The following RASD2 variants were observed in gnomAD, a reference collection of about 807,000 sequenced individuals.
The protein encoded by RASD2 is GTP-binding protein Rhes.
RASD2 carries 7 observed loss-of-function variants against 15.8 expected under a neutral mutation model. That is an observed-to-expected ratio of 0.44 (90% CI 0.25 to 0.83). The LOEUF (loss-of-function observed/expected upper bound fraction) is 0.83, where lower values mean the gene tolerates loss of function less well. RASD2 is among the 40% of genes least tolerant of loss of function. The pLI is 0.20. For synonymous variants in RASD2, 155 were observed against 153.6 expected (o/e 1.01, Z -0.07); for missense variants, 274 against 382.8 (o/e 0.72, Z 2.37).
the RASD2 span, among the ~76,000 whole-genome samples, chr22:35,533,598 G>A: frequency 6.6e-6 from 1 of 151,578 alleles, no homozygotes; most frequent in East Asian, 1.9e-4. Context: ...GATGATAATG[G>A]TGATAATGAT....
At chr22:35,541,926 G>A (rs1406873194) in intron 1 of RASD2, among the ~76,000 whole-genome samples, 1 of 152,170 alleles carries the variant, frequency 6.6e-6, no homozygotes, top group East Asian at 1.9e-4. Flanking sequence ...CCTGGAGGTG[G>A]GGAAGGAAGA....
chr22:35,548,843 C>T (rs1387363666), intron 2 of RASD2, among the ~76,000 whole-genome samples: 1 of 152,044 alleles, frequency 6.6e-6, no homozygotes, highest in Non-Finnish European at 1.5e-5. Context: ...CCTCCCCAGC[C>T]ACACAGTGGG....
rs1934656821 is a variant in RASD2, at chr22:35,551,264, T to C, written c.272-239T>C. On this transcript the variant is annotated intron_variant, in intron 2 of 2. Transcript: ENST00000216127. This position sits in a 1 kb window ranked among gnomAD's most constrained non-coding sequence, Gnocchi z 4.9. ...AACCAAGTGGTCCACGTGTTAGCTA[T>C]GCGACTGTGAACAGGGGCTTCAACC... 6.6e-6 allele frequency among the ~76,000 whole-genome samples: 1 copy of C among 152,232 alleles called. No homozygotes were observed. The highest frequency in any genetic ancestry group is 2.4e-5 in the African/African-American group (1 of 41,456).
At chr22:35,543,096 T>G (rs1167831450) in intron 1 of RASD2, among the ~76,000 whole-genome samples, 9 of 152,172 alleles carry the variant, frequency 5.9e-5, no homozygotes, top group Admixed American at 3.3e-4. Flanking sequence ...AGTCATCTGC[T>G]GTGTGAACTG....
rs4821413 is a variant in RASD2, at chr22:35,541,139, G to A, written c.-371G>A. The A allele has an allele frequency of 1.3e-5, 2 of 152,152 alleles. No individual in the cohort carries two copies. Among genetic ancestry groups the A allele is most frequent in the Admixed American group, 6.6e-5 (1 of 15,260 alleles). The allele number at this position is 152,152 out of a possible 1,614,324, so 9.4% of individuals were successfully genotyped here. On this transcript the variant is annotated 5_prime_UTR_variant, in exon 1 of 3. Transcript: ENST00000216127. ...CCCTACCTCTCTGCCCCCAGCCCGAGAGCCCCAGGCGGGGACCCCCGGATC... is the reference window on the plus strand; with the variant it reads ...CCCTACCTCTCTGCCCCCAGCCCGAAAGCCCCAGGCGGGGACCCCCGGATC...
At chr22:35,546,668 C>A (rs1311722008) in intron 1 of RASD2, 133 bp from the exon 2 acceptor site, 18 of 1,239,062 alleles carry the variant, frequency 1.5e-5, no homozygotes, top group South Asian at 3.1e-5. Flanking sequence ...CTCCAAGACC[C>A]CTTAGAACCT....
chr22:35,543,953 CCT>C (rs1934424391), intron 1 of RASD2, among the ~76,000 whole-genome samples: 1 of 151,464 alleles, frequency 6.6e-6, no homozygotes, highest in South Asian at 2.1e-4. Context: ...CTCCCTGCCT[CCT>C]CTCTCTGATT....
intron 2 of RASD2, among the ~76,000 whole-genome samples, chr22:35,550,129 G>GACCC (rs1266272645): frequency 1.3e-5 from 2 of 152,128 alleles, no homozygotes; most frequent in African/African-American, 4.8e-5. Flanking sequence ...CAGGTGTGGT[G>GACCC]ATGGGCACCT....
Position 35,552,011 on chromosome 22 carries a change from G to A in RASD2, c.780G>A (p.Arg260=), listed in dbSNP as rs1400680209. Residue 260 remains arginine, a synonymous_variant, in exon 3 of 3, where the codon AGG becomes AGA. Transcript: ENST00000216127. The part of the protein sequence containing the change: ...KVLREGQARE[R]DKCTIQ ...TTCGGGAAGGCCAGGCCCGTGAGAG[G>A]GACAAGTGCACCATCCAGTGAGCGA... 6.3e-7 allele frequency: 1 copy of A among 1,599,110 alleles called. No individual in the cohort carries two copies. The highest frequency in any genetic ancestry group is 8.5e-7 in the Non-Finnish European group (1 of 1,179,486).
chr22:35,535,415 GA>G, the RASD2 span, among the ~76,000 whole-genome samples: 18 of 122,670 alleles, frequency 1.5e-4, no homozygotes, highest in Admixed American at 1.3e-3. Context: ...AAAAAAAAAA[GA>G]AAAAAAAAAG....
chr22:35,544,675 C>G (rs1232668636), intron 1 of RASD2, among the ~76,000 whole-genome samples: 1 of 152,212 alleles, frequency 6.6e-6, no homozygotes, highest in Non-Finnish European at 1.5e-5. Context: ...TACCCAGCCT[C>G]CTTTGTTAAC....
Position 35,547,055 on chromosome 22 carries a change from C to A in RASD2, c.246C>A (p.Ala82=), listed in dbSNP as rs767065529. ...CCTCTGGCAACCACCCCTTCCCCGC[C>A]ATGCGCAGGCTGTCCATCCTCACAG... The part of the protein sequence containing the change: ...LDTSGNHPFP[A]MRRLSILTGD... The change falls in exon 2 of 3, where the codon GCC becomes GCA. Residue 82 remains alanine, a synonymous_variant. Coordinates refer to ENST00000216127, the MANE Select transcript of RASD2 (RefSeq NM_014310.4). The A allele has an allele frequency of 6.2e-7, 1 of 1,613,752 alleles. No homozygotes were observed. Among genetic ancestry groups the A allele is most frequent in the South Asian group, 1.1e-5 (1 of 91,062 alleles).
chr22:35,550,286 T>A (rs1358245776), intron 2 of RASD2, among the ~76,000 whole-genome samples: 6 of 142,656 alleles, frequency 4.2e-5, no homozygotes, highest in African/African-American at 1.0e-4. Flanking sequence ...AATAAATAAA[T>A]AAAAAATAGC....
At chr22:35,537,822 C>CT (rs1934264370), upstream of RASD2, among the ~76,000 whole-genome samples, 2 of 152,164 alleles carry the variant, frequency 1.3e-5, no homozygotes, top group South Asian at 4.1e-4. Context: ...AGCTTCTCTT[C>CT]TTTAGAGACC....
chr22:35,544,460 T>C (rs901800009), intron 1 of RASD2, among the ~76,000 whole-genome samples: 1 of 152,230 alleles, frequency 6.6e-6, no homozygotes. Context: ...CCTGGGCCAG[T>C]CAGGTGGTTG....
rs1263321568 is a variant in RASD2, at chr22:35,552,689, C to G, written c.*657C>G. 6.5e-6 allele frequency: 1 copy of G among 153,422 alleles called. No individual in the cohort carries two copies. Among genetic ancestry groups the G allele is most frequent in the Non-Finnish European group, 1.5e-5 (1 of 68,676 alleles). The allele number at this position is 153,422 out of a possible 1,614,324, so 9.5% of individuals were successfully genotyped here. A position where few individuals can be genotyped will look rare whatever the true frequency, so the allele number is the denominator to read the frequency against. On this transcript the variant is annotated 3_prime_UTR_variant, in exon 3 of 3. Coordinates refer to ENST00000216127, the MANE Select transcript of RASD2 (RefSeq NM_014310.4). ...CTGACCGCGTTCCTCAGCCTCCTCT[C>G]CTAGGTCCCTCCGCCCGACAGTTGT...
Position 35,553,216 on chromosome 22 carries a change from C to G in RASD2, c.*1184C>G, listed in dbSNP as rs1934725661. The G allele has an allele frequency of 6.6e-6, 1 of 152,366 alleles. No homozygotes were observed. The highest frequency in any genetic ancestry group is 1.9e-4 in the East Asian group (1 of 5,166). The allele number at this position is 152,366 out of a possible 1,614,324, so 9.4% of individuals were successfully genotyped here. A position where few individuals can be genotyped will look rare whatever the true frequency, so the allele number is the denominator to read the frequency against. ...GCCTCTGCCCGCCCCTGCTGCCCCA[C>G]CACCTTCTGCACACACAGCGGTGGG... On this transcript the variant is annotated 3_prime_UTR_variant, in exon 3 of 3. Transcript: ENST00000216127.
At chr22:35,547,232 T>G in intron 2 of RASD2, 152 bp downstream of exon 2, 1 of 1,109,544 alleles carries the variant, frequency 9.0e-7, no homozygotes, top group Non-Finnish European at 1.3e-6. Context: ...TTTTGCCATG[T>G]GCTGGAAATA....
Position 35,546,977 on chromosome 22 carries a change from C to T in RASD2, c.168C>T (p.His56=). 1.2e-6 allele frequency: 2 copies of T among 1,614,160 alleles called. No individual in the cohort carries two copies. Among genetic ancestry groups the T allele is most frequent in the East Asian group, 2.2e-5 (1 of 44,882 alleles). The change falls in exon 2 of 3, where the codon CAC becomes CAT. Residue 56 remains histidine, a synonymous_variant. Transcript: ENST00000216127. ...DQYTPTIEDF[H]RKVYNIRGDM... ...ACACACCCACCATCGAGGACTTCCA[C>T]CGTAAGGTATACAACATCCGCGGCG...
Sources: allele counts gnomAD v4.1 joint callset (sites outside exome capture counted in the v4.1 genomes callset), GRCh38; gene constraint gnomAD v4.1.1; non-coding constraint Gnocchi (gnomAD v3.1); transcripts MANE v1.5; gene names NCBI Gene and HGNC (gene_info 2026-07-23, HGNC 2026-07-21).